CYP2A13: variants seen among roughly 807,000 people sequenced by gnomAD.
The protein encoded by CYP2A13 is cytochrome P450 2A13.
In CYP2A13, 30 loss-of-function variants were observed where a neutral mutation model predicts 39.4. That is an observed-to-expected ratio of 0.76 (90% CI 0.57 to 1.03). The LOEUF is 1.03. CYP2A13 is among the 50% of genes least tolerant of loss of function. The probability of loss-of-function intolerance (pLI) is 0.00; values close to 1 mark genes in which losing one functional copy is unlikely to be tolerated. For synonymous variants in CYP2A13, 269 were observed against 254.7 expected (o/e 1.06, Z -0.54); for missense variants, 731 against 648.4 (o/e 1.13, Z -1.38).
chr19:41,094,535 A>C, intron 7 of CYP2A13, 103 bp downstream of exon 7: 1 of 1,363,456 alleles, frequency 7.3e-7, no homozygotes, highest in Non-Finnish European at 1.0e-6. Context: ...ACTCTGTCCC[A>C]CTCCCTCAAT....
intron 4 of CYP2A13, 36 bp downstream of exon 4, chr19:41,090,600 A>G (rs1236152431): frequency 6.2e-7 from 1 of 1,613,488 alleles, no homozygotes; most frequent in Admixed American, 1.7e-5. Context: ...CGCCCCTACC[A>G]CAACCTGCCA....
At position 41,088,984 on chromosome 19, in the gene CYP2A13, T is replaced by C. The variant is rs780436815; in HGVS notation, c.236T>C (p.Val79Ala). The C allele has an allele frequency of 6.2e-7, 1 of 1,613,880 alleles. No individual in the cohort carries two copies. The highest frequency in any genetic ancestry group is 1.1e-5 in the South Asian group (1 of 91,070). The change falls in exon 2 of 9, where the codon GTG becomes GCG. Residue 79 changes from valine (V) to alanine (A), a missense_variant. Coordinates refer to ENST00000330436, the MANE Select transcript of CYP2A13 (RefSeq NM_000766.5). ...ATTCACTTGGGGCCCCGGCGGGTCG[T>C]GGTGCTGTGCGGACATGATGCCGTC... is the stretch of plus-strand genomic sequence containing the variant. ...FTIHLGPRRV[V>A]VLCGHDAVKE...
At position 41,095,031 on chromosome 19, in the gene CYP2A13, A is replaced by C. The variant is rs781121947; in HGVS notation, c.1234A>C (p.Asn412His). The change falls in exon 8 of 9, where the codon AAT becomes CAT. Residue 412 changes from asparagine (N) to histidine (H), a missense_variant. Transcript: ENST00000330436. The stretch of plus-strand genomic sequence containing the variant: ...GTTCTTCTCCAACCCCCGGGACTTC[A>C]ATCCCCAGCACTTCCTGGATAAGAA... ...PRFFSNPRDF[N>H]PQHFLDKKGQ... 5.6e-6 allele frequency: 9 copies of C among 1,614,014 alleles called. 1 individual carries two copies. The South Asian group carries it at 8.8e-5, about 16-fold the overall frequency.
chr19:41,091,960 C>T (rs776103564), intron 5 of CYP2A13, 52 bp downstream of exon 5: 1 of 1,603,268 alleles, frequency 6.2e-7, no homozygotes, highest in African/African-American at 1.3e-5. Flanking sequence ...AGAGGGAAAT[C>T]AGGATGGGAG....
intron 2 of CYP2A13, 27 bp downstream of exon 2, chr19:41,089,118 G>A: frequency 6.2e-7 from 1 of 1,611,316 alleles, no homozygotes; most frequent in Non-Finnish European, 8.5e-7. Context: ...GAGGGGGAAG[G>A]TGGCCAGGTG....
chr19:41,089,559 C>T (rs1294134012), intron 2 of CYP2A13, among the ~76,000 whole-genome samples: 2 of 152,092 alleles, frequency 1.3e-5, no homozygotes, highest in African/African-American at 4.8e-5. Flanking sequence ...TGTCCTCCTT[C>T]CCGATCCTCT....
chr19:41,094,232 C>T lies in CYP2A13; in HGVS notation c.974-13C>T. ...ACCCCTAGACACCTAAACACATTCC[C>T]CTCCTCCCCCAGCCAAGGTCCATGA... On this transcript the variant is annotated splice_polypyrimidine_tract_variant and intron_variant, in intron 6 of 8. Transcript: ENST00000330436. The T allele has an allele frequency of 6.2e-7, 1 of 1,613,424 alleles. No individual in the cohort carries two copies. Among genetic ancestry groups the T allele is most frequent in the South Asian group, 1.1e-5 (1 of 91,048 alleles).
rs923178298 is a variant in CYP2A13 at position 41,096,057 on chromosome 19, A to C, written c.*116A>C. 113 of 1,413,966 alleles carry C rather than the reference A, an allele frequency of 8.0e-5. No homozygotes were observed. Among genetic ancestry groups the C allele is most frequent in the East Asian group, 2.5e-4 (10 of 40,146 alleles). 87.6% of individuals were successfully genotyped at this position (1,413,966 alleles called of 1,614,324 possible). On this transcript the variant is annotated 3_prime_UTR_variant, in exon 9 of 9. Coordinates refer to ENST00000330436, the MANE Select transcript of CYP2A13 (RefSeq NM_000766.5). ...TGGGGGCAGTGGGGGAAGGAAGGGG[A>C]GAGGTGGTTAGAGGGAACAGAAGAA... is the stretch of plus-strand genomic sequence containing the variant.
At position 41,090,528 on chromosome 19, in the gene CYP2A13, G is replaced by T; in HGVS notation, c.618G>T (p.Leu206=). ...TCCTGTCACTGTTGCGCATGATGCT[G>T]GGAAGCTTCCAGTTCACGGCAACCT... ...KEFLSLLRMM[L]GSFQFTATST... Residue 206 remains leucine, a synonymous_variant, in exon 4 of 9, where the codon CTG becomes CTT. Transcript: ENST00000330436. The T allele has an allele frequency of 6.2e-7, 1 of 1,614,118 alleles. No individual in the cohort carries two copies. Among genetic ancestry groups the T allele is most frequent in the Non-Finnish European group, 8.5e-7 (1 of 1,179,994 alleles).
intron 2 of CYP2A13, 83 bp from the exon 3 acceptor site, chr19:41,089,964 C>G: frequency 6.8e-7 from 1 of 1,472,744 alleles, no homozygotes; most frequent in Non-Finnish European, 9.0e-7. Flanking sequence ...CTCTGCTCCA[C>G]CCTTGGGGAG....
rs1709083 is a variant in CYP2A13 at position 41,095,991 on chromosome 19, C to T, written c.*50C>T. ...TGGTGGGCGGGGCCAGGGAAACGGCCGGGGCAGGGGCGGGGCTTGTGGGAG... is the reference window on the plus strand; with the variant it reads ...TGGTGGGCGGGGCCAGGGAAACGGCTGGGGCAGGGGCGGGGCTTGTGGGAG... On this transcript the variant is annotated 3_prime_UTR_variant, in exon 9 of 9. Transcript: ENST00000330436. The T allele has an allele frequency of 1.9e-6, 1 of 537,972 alleles. No individual in the cohort carries two copies. The allele number at this position is 537,972 out of a possible 1,614,324, so 33.3% of individuals were successfully genotyped here.
At chr19:41,092,446 A>G (rs2031347163) in intron 5 of CYP2A13, among the ~76,000 whole-genome samples, 1 of 151,980 alleles carries the variant, frequency 6.6e-6, no homozygotes, top group Non-Finnish European at 1.5e-5. Context: ...GCACTTCTAC[A>G]GCACTACCGT....
intron 5 of CYP2A13, 131 bp from the exon 6 acceptor site, chr19:41,093,499 G>A (rs1349289589): frequency 8.8e-7 from 1 of 1,132,302 alleles, no homozygotes; most frequent in East Asian, 2.5e-5. Context: ...CCTGGAGCGA[G>A]TTTGGCAAAT....
At chr19:41,091,344 T>C (rs2031184160) in intron 4 of CYP2A13, among the ~76,000 whole-genome samples, 1 of 152,146 alleles carries the variant, frequency 6.6e-6, no homozygotes, top group Non-Finnish European at 1.5e-5. Context: ...CCAAGTCCAC[T>C]TGAATGCCTA....
Position 41,094,356 on chromosome 19 carries a change from T to C in CYP2A13, c.1085T>C (p.Phe362Ser), listed in dbSNP as rs531432463. Residue 362 changes from phenylalanine (F) to serine (S), a missense_variant, in exon 7 of 9, where the codon TTT becomes TCT. Phe to Ser is a radical substitution (Grantham distance 155). Transcript: ENST00000330436. ...TEAVIHEIQR[F>S]GDMLPMGLAH... ...GCAGTGATCCACGAGATCCAAAGAT[T>C]TGGAGACATGCTCCCCATGGGTTTG... 49 of 1,614,062 alleles carry C rather than the reference T, an allele frequency of 3.0e-5. No individual in the cohort carries two copies. Among genetic ancestry groups the C allele is most frequent in the Middle Eastern group, 1.7e-4 (1 of 6,060 alleles).
chr19:41,095,989 G>T lies in CYP2A13; in HGVS notation c.*48G>T, dbSNP rs763070955. 1.9e-6 allele frequency: 3 copies of T among 1,597,616 alleles called. No homozygotes were observed. In the Admixed American group the frequency reaches 5.1e-5, roughly 27 times the overall value. ...GCTGGTGGGCGGGGCCAGGGAAACGGCCGGGGCAGGGGCGGGGCTTGTGGG... is the reference window on the plus strand; with the variant it reads ...GCTGGTGGGCGGGGCCAGGGAAACGTCCGGGGCAGGGGCGGGGCTTGTGGG... On this transcript the variant is annotated 3_prime_UTR_variant, in exon 9 of 9. Transcript: ENST00000330436.
At chr19:41,093,568 G>A in intron 5 of CYP2A13, 62 bp from the exon 6 acceptor site, 1 of 1,603,946 alleles carries the variant, frequency 6.2e-7, no homozygotes, top group Non-Finnish European at 8.5e-7. Context: ...CAAAGGAAAA[G>A]CCCTAGAAGG....
In CYP2A13 at chr19:41,091,764, C is replaced by A; in HGVS notation, c.687C>A (p.His229Gln). ...LYEMFSSVMK[H>Q]LPGPQQQAFK... ...AGATGTTCTCTTCGGTGATGAAACACCTGCCAGGACCACAGCAACAGGCCT... is the reference window on the plus strand; with the variant it reads ...AGATGTTCTCTTCGGTGATGAAACAACTGCCAGGACCACAGCAACAGGCCT... The change falls in exon 5 of 9, where the codon CAC becomes CAA. Residue 229 changes from histidine (H) to glutamine (Q), a missense_variant. By Grantham distance (24) the His-to-Gln change is conservative. Coordinates refer to ENST00000330436, the MANE Select transcript of CYP2A13 (RefSeq NM_000766.5). 1 of 1,614,024 alleles carries A rather than the reference C, an allele frequency of 6.2e-7. No homozygotes were observed. The highest frequency in any genetic ancestry group is 8.5e-7 in the Non-Finnish European group (1 of 1,179,896).
rs1426370042 is a variant in CYP2A13 at position 41,095,796 on chromosome 19, T to C, written c.1340T>C (p.Met447Thr). The C allele has an allele frequency of 1.9e-6, 3 of 1,614,114 alleles. No individual in the cohort carries two copies. The highest frequency in any genetic ancestry group is 2.5e-6 in the Non-Finnish European group (3 of 1,179,980). The change falls in exon 9 of 9, where the codon ATG becomes ACG. Residue 447 changes from methionine (M) to threonine (T), a missense_variant. By Grantham distance (81) the Met-to-Thr change is moderately conservative. Transcript: ENST00000330436. ...TGTTTTGGAGAAGGCCTGGCCAGAA[T>C]GGAGCTCTTTCTCTTCTTCACCACC... ...RYCFGEGLAR[M>T]ELFLFFTTIM...
Sources: gnomAD v4.1 joint callset for allele counts (sites outside exome capture counted in the v4.1 genomes callset) on GRCh38, gnomAD v4.1.1 for gene constraint, MANE v1.5 for transcripts, NCBI Gene and HGNC (gene_info 2026-07-23, HGNC 2026-07-21) for gene names.